The following SLIT3 variants were observed in gnomAD, a reference collection of about 807,000 sequenced individuals.
The protein encoded by SLIT3 is slit guidance ligand 3.
SLIT3 carries 68 observed loss-of-function variants against 184.0 expected under a neutral mutation model. The ratio of observed to expected loss-of-function variants is 0.37; its 90% CI spans 0.30 to 0.45. SLIT3 has a LOEUF of 0.45. SLIT3 is among the 20% of genes least tolerant of loss of function. The pLI, the probability that SLIT3 is intolerant of heterozygous loss-of-function variation, is 1.00. For synonymous variants in SLIT3, 831 were observed against 828.6 expected (o/e 1.00, Z -0.05); for missense variants, 1,707 against 2,026.0 (o/e 0.84, Z 3.02).
At chr5:169,084,758 G>C (rs1759221561) in intron 4 of SLIT3, among the ~76,000 whole-genome samples, 1 of 152,208 alleles carries the variant, frequency 6.6e-6, no homozygotes, top group Admixed American at 6.5e-5. Flanking sequence ...TCTTTCAGGG[G>C]CCAGGGCCAT....
At chr5:168,805,329 G>A (rs1250054188) in intron 9 of SLIT3, among the ~76,000 whole-genome samples, 2 of 152,058 alleles carry the variant, frequency 1.3e-5, no homozygotes, top group South Asian at 2.1e-4. Flanking sequence ...GGGGGAAGAG[G>A]AGGAGGAGGA....
chr5:168,753,828 C>G (rs1468409854), intron 17 of SLIT3, 36 bp downstream of exon 17: 4 of 1,600,068 alleles, frequency 2.5e-6, no homozygotes, highest in Non-Finnish European at 2.6e-6. Flanking sequence ...CCGTCTCCCT[C>G]TGGGTCTTGG....
intron 27 of SLIT3, 24 bp downstream of exon 27, chr5:168,700,558 G>A: frequency 6.5e-7 from 1 of 1,535,120 alleles, no homozygotes; most frequent in Non-Finnish European, 9.0e-7. Flanking sequence ...AATACAGTGA[G>A]GGAGGCCAGG....
chr5:168,911,544 T>C (rs1761254511), intron 4 of SLIT3, among the ~76,000 whole-genome samples: 1 of 152,220 alleles, frequency 6.6e-6, no homozygotes, highest in Non-Finnish European at 1.5e-5. Context: ...ATACAAGTCA[T>C]GTCAGCATAA....
chr5:169,049,159 G>A (rs1022488156), intron 4 of SLIT3, among the ~76,000 whole-genome samples: 2 of 152,174 alleles, frequency 1.3e-5, no homozygotes, highest in African/African-American at 4.8e-5. Context: ...AAATACAAAC[G>A]TGTAGAGTTG....
At chr5:168,753,602 A>C (rs1216478258) in intron 17 of SLIT3, among the ~76,000 whole-genome samples, 2 of 152,126 alleles carry the variant, frequency 1.3e-5, no homozygotes, top group Admixed American at 1.3e-4. Context: ...AAATCTATAT[A>C]CGTGTATACA....
intron 5 of SLIT3, among the ~76,000 whole-genome samples, chr5:168,862,195 C>T (rs1759135229): frequency 1.3e-5 from 2 of 152,158 alleles, no homozygotes; most frequent in Admixed American, 1.3e-4. Context: ...ATACGTTGGA[C>T]TTTGGGGACT....
chr5:169,173,868 C>T (rs1435741676), intron 4 of SLIT3, among the ~76,000 whole-genome samples: 1 of 152,194 alleles, frequency 6.6e-6, no homozygotes, highest in Non-Finnish European at 1.5e-5. Context: ...TAGAATCCAT[C>T]TCCCTTTCTT....
At chr5:169,234,202 T>C (rs1457060264) in intron 3 of SLIT3, among the ~76,000 whole-genome samples, 2 of 152,348 alleles carry the variant, frequency 1.3e-5, no homozygotes, top group Non-Finnish European at 2.9e-5. Context: ...TTTGTAGCTC[T>C]ACATCCTCCT....
chr5:168,677,483 C>T (rs575827027), intron 32 of SLIT3, among the ~76,000 whole-genome samples: 2 of 152,248 alleles, frequency 1.3e-5, no homozygotes, highest in African/African-American at 4.8e-5. Flanking sequence ...GAGTCTCGCT[C>T]TGTTGCCCAG....
At chr5:168,710,796 T>C in intron 25 of SLIT3, 99 bp downstream of exon 25, 1 of 1,091,188 alleles carries the variant, frequency 9.2e-7, no homozygotes, top group Non-Finnish European at 1.2e-6. Flanking sequence ...TGAAGGTTTC[T>C]GAAGCCACAT....
At chr5:169,012,845 G>C (rs1756207773) in intron 4 of SLIT3, 1 of 152,218 alleles carries the variant, frequency 6.6e-6, no homozygotes. Context: ...TCAGACCTGG[G>C]ATGAACCCCG....
At chr5:169,123,359 G>A (rs297807) in intron 4 of SLIT3, among the ~76,000 whole-genome samples, 4,562 of 152,112 alleles carry the variant, frequency 0.03, 87 homozygotes, top group Non-Finnish European at 0.043. Flanking sequence ...TTTACACATG[G>A]GTAACTCATT....
At chr5:168,798,685 G>T (rs1289691972) in intron 9 of SLIT3, among the ~76,000 whole-genome samples, 1 of 152,144 alleles carries the variant, frequency 6.6e-6, no homozygotes, top group Non-Finnish European at 1.5e-5. Context: ...GAGCGTGGTT[G>T]CGAACAGTTT....
intron 4 of SLIT3, among the ~76,000 whole-genome samples, chr5:169,063,476 G>A (rs1758244629): frequency 1.3e-5 from 2 of 152,264 alleles, no homozygotes; most frequent in Middle Eastern, 3.4e-3. Context: ...AGATTTCCTG[G>A]AACTGAGGCT....
At chr5:169,184,222 T>C (rs996993083) in intron 4 of SLIT3, among the ~76,000 whole-genome samples, 1 of 152,250 alleles carries the variant, frequency 6.6e-6, no homozygotes, top group Non-Finnish European at 1.5e-5. Context: ...TACTGAACCA[T>C]GAAAGCTTCA....
intron 4 of SLIT3, among the ~76,000 whole-genome samples, chr5:169,080,411 G>A (rs1049121208): frequency 2.0e-5 from 3 of 152,156 alleles, no homozygotes; most frequent in Non-Finnish European, 2.9e-5. Flanking sequence ...GTAATCTGGG[G>A]AGGTGGGTAC....
chr5:169,129,821 G>GT (rs556491428), intron 4 of SLIT3, among the ~76,000 whole-genome samples: 17 of 149,706 alleles, frequency 1.1e-4, no homozygotes, highest in African/African-American at 2.8e-4. Flanking sequence ...TTCTTTGGTG[G>GT]TTTTTTTTGT....
intron 4 of SLIT3, among the ~76,000 whole-genome samples, chr5:168,938,934 A>G (rs1025958907): frequency 3.3e-5 from 5 of 152,074 alleles, no homozygotes; most frequent in African/African-American, 1.2e-4. Flanking sequence ...CAGCCTATAC[A>G]ATGATTATAT....
Sources: allele counts gnomAD v4.1 joint callset (sites outside exome capture counted in the v4.1 genomes callset), GRCh38; gene constraint gnomAD v4.1.1; transcripts MANE v1.5; gene names NCBI Gene and HGNC (gene_info 2026-07-23, HGNC 2026-07-21).